The following PTPRM variants were observed in gnomAD, a reference collection of about 807,000 sequenced individuals.
PTPRM encodes receptor-type tyrosine-protein phosphatase mu.
Under a neutral mutation model 186.7 loss-of-function variants are expected in PTPRM, and 47 were observed. The observed-to-expected ratio is 0.25, with a 90% CI of 0.20 to 0.32. PTPRM has a LOEUF of 0.32. PTPRM is among the 10% of genes least tolerant of loss of function. The pLI, the probability that PTPRM is intolerant of heterozygous loss-of-function variation, is 1.00. For synonymous variants in PTPRM, 668 were observed against 674.9 expected, an observed-to-expected ratio of 0.99 and a Z score of 0.16; for missense variants, 1,494 against 1,865.0, an observed-to-expected ratio of 0.80 and a Z score of 3.66.
intron 13 of PTPRM, among the ~76,000 whole-genome samples, chr18:8,126,002 T>C (rs868290621): frequency 5.5e-5 from 1 of 18,056 alleles, no homozygotes; most frequent in Non-Finnish European, 1.7e-4. Flanking sequence ...TATATATATA[T>C]ATATATATAT....
chr18:7,939,798 A>G (rs1036370225), intron 5 of PTPRM, among the ~76,000 whole-genome samples: 3 of 152,074 alleles, frequency 2.0e-5, no homozygotes, highest in South Asian at 2.1e-4. Context: ...TGCGATGCCC[A>G]TCCTTCATCA....
chr18:8,215,882 C>T (rs2094077687), intron 14 of PTPRM, among the ~76,000 whole-genome samples: 2 of 152,084 alleles, frequency 1.3e-5, no homozygotes, highest in Non-Finnish European at 2.9e-5. Context: ...TGCAGAGTAA[C>T]CGGGCTGCTT....
chr18:8,299,721 A>C, intron 20 of PTPRM, among the ~76,000 whole-genome samples: 1 of 152,220 alleles, frequency 6.6e-6, no homozygotes, highest in Admixed American at 6.5e-5. Context: ...TTTAAAGGCC[A>C]ATCTCAGTCT....
chr18:7,999,802 T>C (rs1388158888), intron 7 of PTPRM, among the ~76,000 whole-genome samples: 2 of 152,060 alleles, frequency 1.3e-5, no homozygotes, highest in Admixed American at 6.5e-5. Flanking sequence ...CAATATGATA[T>C]GTGTGTGCAC....
chr18:8,200,223 C>T (rs539020226), intron 14 of PTPRM, among the ~76,000 whole-genome samples: 3 of 152,140 alleles, frequency 2.0e-5, no homozygotes, highest in Non-Finnish European at 4.4e-5. Context: ...CCTGGGATGG[C>T]AGACATCATT....
At chr18:8,174,872 A>G (rs2093458748) in intron 14 of PTPRM, among the ~76,000 whole-genome samples, 1 of 152,216 alleles carries the variant, frequency 6.6e-6, no homozygotes, top group African/African-American at 2.4e-5. Flanking sequence ...ATTAATTGCA[A>G]CATGGTCCAC....
chr18:7,938,212 C>T (rs114446908), intron 5 of PTPRM, among the ~76,000 whole-genome samples: 136 of 152,306 alleles, frequency 8.9e-4, no homozygotes, highest in African/African-American at 3.2e-3. Context: ...TGAGTGCATA[C>T]TGACAATTCC....
chr18:7,931,840 T>A (rs535776796), intron 5 of PTPRM, among the ~76,000 whole-genome samples: 2 of 152,328 alleles, frequency 1.3e-5, no homozygotes, highest in African/African-American at 4.8e-5. Flanking sequence ...CTATATTTGC[T>A]TGTTTCTCTC....
At chr18:8,371,914 G>C (rs1598478049) in intron 24 of PTPRM, 1 of 152,170 alleles carries the variant, frequency 6.6e-6, no homozygotes, top group Non-Finnish European at 1.5e-5. Flanking sequence ...ACCGAGCCCT[G>C]CACAGCTGCC....
intron 14 of PTPRM, among the ~76,000 whole-genome samples, chr18:8,240,130 A>T (rs992742977): frequency 1.3e-5 from 2 of 152,190 alleles, no homozygotes; most frequent in African/African-American, 4.8e-5. Context: ...GAGGCTCAAA[A>T]GAGGGAGAAA....
intron 20 of PTPRM, among the ~76,000 whole-genome samples, chr18:8,301,008 G>T (rs550536386): frequency 6.6e-6 from 1 of 152,174 alleles, no homozygotes; most frequent in South Asian, 2.1e-4. Flanking sequence ...ACCATCCCCT[G>T]CCTAAAAATT....
At chr18:7,988,806 CA>C (rs2083106812) in intron 7 of PTPRM, among the ~76,000 whole-genome samples, 1 of 152,102 alleles carries the variant, frequency 6.6e-6, no homozygotes, top group Non-Finnish European at 1.5e-5. Context: ...TTTATTCTTT[CA>C]CCTGTTGATG....
intron 7 of PTPRM, among the ~76,000 whole-genome samples, chr18:8,047,034 C>G (rs1242445382): frequency 1.3e-5 from 2 of 152,108 alleles, no homozygotes; most frequent in East Asian, 3.8e-4. Context: ...TTGATTCTTC[C>G]CTGAGAATTC....
At chr18:8,081,391 C>A (rs115998116) in intron 9 of PTPRM, among the ~76,000 whole-genome samples, 1 of 152,294 alleles carries the variant, frequency 6.6e-6, no homozygotes, top group Admixed American at 6.5e-5. Context: ...GCTGCAGCAA[C>A]GTTTTTTACA....
At chr18:7,953,975 T>A (rs1397520993) in intron 6 of PTPRM, among the ~76,000 whole-genome samples, 1 of 152,152 alleles carries the variant, frequency 6.6e-6, no homozygotes, top group African/African-American at 2.4e-5. Flanking sequence ...CACCCATAGA[T>A]ACAGTCTTGA....
chr18:8,382,810 T>G (rs1169445840), intron 29 of PTPRM, among the ~76,000 whole-genome samples: 5 of 152,144 alleles, frequency 3.3e-5, no homozygotes, highest in Non-Finnish European at 5.9e-5. Context: ...ACAATGAGAT[T>G]TTAGATCCTT....
intron 6 of PTPRM, among the ~76,000 whole-genome samples, chr18:7,952,958 A>G (rs2053070969): frequency 6.6e-6 from 1 of 152,190 alleles, no homozygotes; most frequent in African/African-American, 2.4e-5. Context: ...GTGAGCCACG[A>G]TGGTGCCACT....
intron 14 of PTPRM, among the ~76,000 whole-genome samples, chr18:8,169,422 A>G (rs1214913924): frequency 6.6e-6 from 1 of 151,940 alleles, no homozygotes; most frequent in Non-Finnish European, 1.5e-5. Context: ...GGGGTGAAGG[A>G]AAATAAAAAT....
intron 7 of PTPRM, among the ~76,000 whole-genome samples, chr18:7,994,054 C>A (rs1453672659): frequency 6.6e-6 from 1 of 152,002 alleles, no homozygotes; most frequent in East Asian, 1.9e-4. Flanking sequence ...CAAGACCCAA[C>A]CATATTCTGC....
Sources: gnomAD v4.1 joint callset for allele counts (sites outside exome capture counted in the v4.1 genomes callset) on GRCh38, gnomAD v4.1.1 for gene constraint, MANE v1.5 for transcripts, NCBI Gene and HGNC (gene_info 2026-07-23, HGNC 2026-07-21) for gene names.